The following ASTN2 variants were observed in gnomAD, a reference collection of about 807,000 sequenced individuals.
ASTN2 encodes the protein astrotactin 2.
ASTN2 carries 54 observed loss-of-function variants against 139.8 expected under a neutral mutation model. The observed-to-expected ratio is 0.39, with a 90% confidence interval of 0.31 to 0.48. The LOEUF (loss-of-function observed/expected upper bound fraction) is 0.48. Ranked by LOEUF, ASTN2 falls within the 20% of genes least tolerant of loss-of-function variation. ASTN2 has a pLI of 0.95. For missense variants in ASTN2, 1,565 were observed against 1,725.1 expected (o/e 0.91, Z 1.64); for synonymous variants, 756 against 719.5 (o/e 1.05, Z -0.81).
At chr9:117,165,732 CTG>C (rs1830656344) in intron 3 of ASTN2, among the ~76,000 whole-genome samples, 1 of 152,056 alleles carries the variant, frequency 6.6e-6, no homozygotes, top group African/African-American at 2.4e-5. Flanking sequence ...ATAATTTCAG[CTG>C]TGAGTTACGG....
At chr9:117,379,727 CGA>C (rs1199295185) in intron 1 of ASTN2, among the ~76,000 whole-genome samples, 1 of 152,034 alleles carries the variant, frequency 6.6e-6, no homozygotes, top group African/African-American at 2.4e-5. Flanking sequence ...TTACTTAAAA[CGA>C]GAGAGAAAAT....
In ASTN2 at chr9:116,975,336, G is replaced by A. The variant is rs1421837776; in HGVS notation, c.1761C>T (p.Phe587=). Residue 587 remains phenylalanine (F), a synonymous_variant, in exon 10 of 23, where the codon TTC becomes TTT. Transcript: ENST00000313400. ...GAAGCCAGAGGCCTTGGCCCAAGCT[G>A]AAAGTAGACCTGCAATGTAAGAGTT... is the stretch of plus-strand genomic sequence containing the variant. ...QAPEKILRST[F]SLGQGLWLPV... The A allele has an allele frequency of 1.2e-6, 2 of 1,608,760 alleles. No individual in the cohort carries two copies. The highest frequency in any genetic ancestry group is 8.5e-7 in the Non-Finnish European group (1 of 1,177,618).
chr9:117,365,841 A>G (rs942275296), intron 1 of ASTN2, among the ~76,000 whole-genome samples: 10 of 152,198 alleles, frequency 6.6e-5, no homozygotes, highest in Admixed American at 6.5e-4. Context: ...GCACTGGCCT[A>G]GGGGTTTGGA....
chr9:117,139,557 T>C (rs1300469218), intron 4 of ASTN2, among the ~76,000 whole-genome samples: 4 of 152,234 alleles, frequency 2.6e-5, no homozygotes, highest in Non-Finnish European at 4.4e-5. Context: ...GCTTAACATG[T>C]AGAGCTTGGT....
chr9:116,496,466 C>A (rs1293376183), intron 19 of ASTN2, among the ~76,000 whole-genome samples: 1 of 152,006 alleles, frequency 6.6e-6, no homozygotes, highest in Non-Finnish European at 1.5e-5. Flanking sequence ...CAGAGTAAGA[C>A]AGGGAAGAGA....
rs190786620 is a variant in ASTN2 at position 117,173,926 on chromosome 9, C to T, written c.1016-32448G>A. ...AGTTTTTTTAAACCTTTTATCACTA[C>T]GTCTTGCTCTCTCTCCTTTACTCTT... is the stretch of plus-strand genomic sequence containing the variant. On this transcript the variant is annotated intron_variant, in intron 3 of 22. Transcript: ENST00000313400. Among the ~76,000 whole-genome samples, 417 of 151,272 alleles carry T rather than the reference C, an allele frequency of 2.8e-3. 1 individual carries two copies. The highest frequency in any genetic ancestry group is 6.8e-3 in the African/African-American group (278 of 41,058).
At chr9:117,079,342 T>C (rs910716236) in intron 5 of ASTN2, among the ~76,000 whole-genome samples, 3 of 152,088 alleles carry the variant, frequency 2.0e-5, no homozygotes, top group Non-Finnish European at 2.9e-5. Context: ...AGTGACAGAA[T>C]GAGACCCTGT....
At chr9:117,401,402 A>G (rs1241704665) in intron 1 of ASTN2, among the ~76,000 whole-genome samples, 1 of 152,132 alleles carries the variant, frequency 6.6e-6, no homozygotes, top group Admixed American at 6.6e-5. Flanking sequence ...AGGAGGTAAT[A>G]TTTGAGTTTT....
intron 13 of ASTN2, among the ~76,000 whole-genome samples, chr9:116,795,604 T>C (rs1830669118): frequency 6.6e-6 from 1 of 152,148 alleles, no homozygotes; most frequent in Non-Finnish European, 1.5e-5. Flanking sequence ...CCTGGGCATT[T>C]GATGAAAGCA....
intron 13 of ASTN2, among the ~76,000 whole-genome samples, chr9:116,741,918 C>A (rs1670262061): frequency 6.6e-6 from 1 of 152,216 alleles, no homozygotes; most frequent in Admixed American, 6.5e-5. Context: ...GTGATTCCTT[C>A]ATTTAACCAT....
At chr9:116,577,728 C>T (rs1353716157) in intron 19 of ASTN2, among the ~76,000 whole-genome samples, 1 of 151,980 alleles carries the variant, frequency 6.6e-6, no homozygotes, top group East Asian at 1.9e-4. Context: ...TTCCTTTGAC[C>T]CTGTGGAGAA....
chr9:117,242,014 T>C (rs1833228956), intron 2 of ASTN2, among the ~76,000 whole-genome samples: 1 of 137,858 alleles, frequency 7.3e-6, no homozygotes, highest in South Asian at 2.5e-4. Context: ...CTTTTTTTTT[T>C]TTTTTTTTTT....
intron 1 of ASTN2, among the ~76,000 whole-genome samples, chr9:117,336,743 C>T (rs1047504065): frequency 6.6e-6 from 1 of 152,098 alleles, no homozygotes; most frequent in African/African-American, 2.4e-5. Flanking sequence ...AAGGACCATC[C>T]ACATGATTCC....
At chr9:117,102,510 A>T (rs920307366) in intron 4 of ASTN2, among the ~76,000 whole-genome samples, 1 of 152,036 alleles carries the variant, frequency 6.6e-6, no homozygotes, top group African/African-American at 2.4e-5. Context: ...TGAATTATAC[A>T]CTTTAAAATG....
chr9:117,059,494 T>C (rs1233612293), intron 5 of ASTN2, among the ~76,000 whole-genome samples: 1 of 152,010 alleles, frequency 6.6e-6, no homozygotes, highest in Non-Finnish European at 1.5e-5. Flanking sequence ...ACGCCTGTAA[T>C]CCCAGCTACT....
chr9:117,248,792 T>C (rs10733626), intron 2 of ASTN2, among the ~76,000 whole-genome samples: 82,288 of 152,140 alleles, frequency 0.54, 25,307 homozygotes, highest in East Asian at 0.77. Flanking sequence ...ATGTAGGAGA[T>C]GGTGCCAATC....
intron 1 of ASTN2, among the ~76,000 whole-genome samples, chr9:117,408,620 T>C (rs959738967): frequency 6.6e-6 from 1 of 152,134 alleles, no homozygotes; most frequent in Non-Finnish European, 1.5e-5. Flanking sequence ...CAAATTAAAA[T>C]CACAGAGTAA....
At chr9:117,170,179 T>C (rs1830758574) in intron 3 of ASTN2, among the ~76,000 whole-genome samples, 1 of 152,132 alleles carries the variant, frequency 6.6e-6, no homozygotes, top group South Asian at 2.1e-4. Flanking sequence ...TGGCACATAG[T>C]AGGCACTAAA....
intron 16 of ASTN2, among the ~76,000 whole-genome samples, chr9:116,722,892 G>A (rs10983322): frequency 0.094 from 14,387 of 152,244 alleles, 1,218 homozygotes; most frequent in East Asian, 0.4. Flanking sequence ...GAGGCTGGGC[G>A]CTGTGGCTTA....
Sources: gnomAD v4.1 joint callset for allele counts (sites outside exome capture counted in the v4.1 genomes callset) on GRCh38, gnomAD v4.1.1 for gene constraint, MANE v1.5 for transcripts, NCBI Gene and HGNC (gene_info 2026-07-23, HGNC 2026-07-21) for gene names.